Variants in ATP13A4 observed in about 807,000 individuals in gnomAD.
The protein encoded by ATP13A4 is ATPase 13A4.
Under a neutral mutation model 142.5 loss-of-function variants are expected in ATP13A4, and 114 were observed. The ratio of observed to expected loss-of-function variants is 0.80; its 90% CI spans 0.69 to 0.93. The LOEUF is 0.93. Ranked by LOEUF, ATP13A4 falls within the 40% of genes least tolerant of loss-of-function variation. The pLI is 0.00. For missense variants in ATP13A4, 1,392 were observed against 1,454.0 expected (o/e 0.96, Z 0.69); for synonymous variants, 488 against 514.8 (o/e 0.95, Z 0.70).
At chr3:193,537,511 G>A (rs1577062086) in intron 1 of ATP13A4, among the ~76,000 whole-genome samples, 2 of 152,234 alleles carry the variant, frequency 1.3e-5, no homozygotes, top group Non-Finnish European at 2.9e-5. Flanking sequence ...CGTATGGCTA[G>A]GCAAAGAGTT....
intron 25 of ATP13A4, among the ~76,000 whole-genome samples, chr3:193,418,174 A>G (rs1458152707): frequency 1.1e-4 from 11 of 103,130 alleles, no homozygotes; most frequent in South Asian, 3.6e-4. Context: ...AAAATTAGCC[A>G]GGCGAGGTGG....
At chr3:193,501,613 G>T (rs542154328) in intron 3 of ATP13A4, among the ~76,000 whole-genome samples, 18 of 150,724 alleles carry the variant, frequency 1.2e-4, no homozygotes, top group African/African-American at 4.4e-4. Context: ...AAGACAACTG[G>T]GTGATAACAA....
intron 1 of ATP13A4, among the ~76,000 whole-genome samples, chr3:193,516,922 A>C (rs1721448391): frequency 6.6e-6 from 1 of 152,232 alleles, no homozygotes; most frequent in African/African-American, 2.4e-5. Flanking sequence ...TAATACCTTT[A>C]ATAGTAATAA....
intron 13 of ATP13A4, among the ~76,000 whole-genome samples, chr3:193,461,096 CAGGA>C (rs747088095): frequency 7.3e-4 from 111 of 151,626 alleles, no homozygotes; most frequent in Middle Eastern, 3.4e-3. Flanking sequence ...GGCAGCAAGG[CAGGA>C]AGGAAGGAAG....
chr3:193,431,054 A>G (rs1715943667), intron 25 of ATP13A4, among the ~76,000 whole-genome samples: 1 of 152,014 alleles, frequency 6.6e-6, no homozygotes. Context: ...GCTAACAGAA[A>G]TTTCAAATGT....
Position 193,504,933 on chromosome 3 carries a change from T to G in ATP13A4, c.235-2294A>C, listed in dbSNP as rs1247469497. Among the ~76,000 whole-genome samples, 7 of 152,130 alleles carry G rather than the reference T, an allele frequency of 4.6e-5. No individual in the cohort carries two copies. The East Asian group carries it at 1.3e-3, about 29-fold the overall frequency. ...AATTTTCATATGATTACATAGCAGT[T>G]TGTAGAAATTTTGTTATGTTATCTT... On this transcript the variant is annotated intron_variant, in intron 2 of 29. Coordinates refer to ENST00000342695, the MANE Select transcript of ATP13A4 (RefSeq NM_032279.4).
chr3:193,507,688 G>T (rs1720931393), intron 2 of ATP13A4, among the ~76,000 whole-genome samples: 1 of 152,170 alleles, frequency 6.6e-6, no homozygotes, highest in African/African-American at 2.4e-5. Context: ...TTTCTGAGGG[G>T]AAATGGAGCA....
chr3:193,566,704 A>G (rs1430675994), intron 2 of ATP13A4, among the ~76,000 whole-genome samples: 2 of 152,114 alleles, frequency 1.3e-5, no homozygotes, highest in Non-Finnish European at 1.5e-5. Flanking sequence ...TACTTTTTGG[A>G]AGGTCTCTTG....
rs1288343736 is a variant in ATP13A4, at chr3:193,459,166, A to G, written c.1589T>C (p.Met530Thr). 5.6e-6 allele frequency: 9 copies of G among 1,614,092 alleles called. No homozygotes were observed. The highest frequency in any genetic ancestry group is 1.3e-5 in the African/African-American group (1 of 74,940). ...ALPWGPLCAA[M>T]ASCHSLILLD... ...AAGGATCAGAGAGTGGCAGCTGGCC[A>G]TCGCTGCACACAGTGGGCCCCATGG... The change falls in exon 14 of 30, where the codon ATG becomes ACG. Residue 530 changes from methionine to threonine, a missense_variant. Coordinates refer to ENST00000342695, the MANE Select transcript of ATP13A4 (RefSeq NM_032279.4).
chr3:193,428,850 T>G (rs1246343740), intron 25 of ATP13A4, among the ~76,000 whole-genome samples: 9 of 149,064 alleles, frequency 6.0e-5, no homozygotes, highest in Middle Eastern at 3.2e-3. Context: ...AAAGGACGAG[T>G]TAATGGGGGC....
At chr3:193,492,807 T>C (rs73198989) in intron 5 of ATP13A4, 110 bp downstream of exon 5, 74,912 of 823,296 alleles carry the variant, frequency 0.091, 4,300 homozygotes, top group East Asian at 0.22. Context: ...AAATAGAGCA[T>C]TATAATATTT....
intron 18 of ATP13A4, 120 bp from the exon 19 acceptor site, chr3:193,442,676 C>G (rs944080288): frequency 3.9e-6 from 4 of 1,028,460 alleles, no homozygotes; most frequent in South Asian, 1.4e-5. Flanking sequence ...GAAATGATCT[C>G]TGATATCTAT....
rs1311620810 is a variant in ATP13A4, at chr3:193,459,231, G to A, written c.1524C>T (p.Gly508=). 2.0e-5 allele frequency: 32 copies of A among 1,614,122 alleles called. No homozygotes were observed. In the Admixed American group the frequency reaches 5.3e-4, roughly 27 times the overall value. The part of the protein sequence containing the change: ...LWGVVSCDRN[G]FQEVHSFASG... ...AGGCAAAGCTGTGAACTTCCTGAAA[G>A]CTTAAGGAGAAAAGGAAATGGGTTT... The change falls in exon 14 of 30, where the codon GGC becomes GGT. Residue 508 remains glycine (G), a splice_region_variant and synonymous_variant. Coordinates refer to ENST00000342695, the MANE Select transcript of ATP13A4 (RefSeq NM_032279.4).
rs192058506 is a variant in ATP13A4 at position 193,426,568 on chromosome 3, G to C, written c.2842+7277C>G. Among the ~76,000 whole-genome samples, 454 of 151,896 alleles carry C rather than the reference G, an allele frequency of 3.0e-3. 4 individuals carry two copies. The highest frequency in any genetic ancestry group is 5.4e-3 in the Non-Finnish European group (367 of 67,794). ...AAATCGTTTCTAAAAATCTTGAAAA[G>C]AAAAATAGCATTGAAGGACTCACAC... On this transcript the variant is annotated intron_variant, in intron 25 of 29. Coordinates refer to ENST00000342695, the MANE Select transcript of ATP13A4 (RefSeq NM_032279.4).
chr3:193,461,563 C>A (rs1014986265), intron 13 of ATP13A4, among the ~76,000 whole-genome samples: 2 of 152,096 alleles, frequency 1.3e-5, no homozygotes, highest in African/African-American at 4.8e-5. Flanking sequence ...CTTTTTTAAT[C>A]CAGGAATTAG....
intron 29 of ATP13A4, among the ~76,000 whole-genome samples, chr3:193,406,718 GAT>G (rs1409926961): frequency 1.3e-5 from 2 of 152,194 alleles, no homozygotes; most frequent in Admixed American, 6.5e-5. Context: ...AGGCAAAAAT[GAT>G]ATGAGTTAAG....
chr3:193,499,135 T>C (rs1233654380), intron 3 of ATP13A4, among the ~76,000 whole-genome samples: 1 of 152,230 alleles, frequency 6.6e-6, no homozygotes, highest in African/African-American at 2.4e-5. Context: ...TGTAAAATGC[T>C]GTATTTTTTT....
At chr3:193,474,248 A>T (rs752913609) in intron 8 of ATP13A4, among the ~76,000 whole-genome samples, 1 of 145,416 alleles carries the variant, frequency 6.9e-6, no homozygotes, top group Non-Finnish European at 1.5e-5. Context: ...GAACCCAGGA[A>T]GCAGAGGTTG....
intron 1 of ATP13A4, among the ~76,000 whole-genome samples, chr3:193,551,753 C>T (rs1319225079): frequency 6.6e-6 from 1 of 152,208 alleles, no homozygotes; most frequent in African/African-American, 2.4e-5. Flanking sequence ...TCCCAGTGCT[C>T]TCCCAGAGTT....
Sources: allele counts gnomAD v4.1 joint callset (sites outside exome capture counted in the v4.1 genomes callset), GRCh38; gene constraint gnomAD v4.1.1; transcripts MANE v1.5; gene names NCBI Gene and HGNC (gene_info 2026-07-23, HGNC 2026-07-21).